The following DNM3 variants were observed in gnomAD, a reference collection of about 807,000 sequenced individuals.
The protein encoded by DNM3 is dynamin-3.
DNM3 carries 47 observed loss-of-function variants against 101.6 expected under a neutral mutation model. That is an observed-to-expected ratio of 0.46 (90% confidence interval 0.37 to 0.59). DNM3 has a LOEUF of 0.59. DNM3 is among the 20% of genes least tolerant of loss of function. DNM3 has a pLI of 0.00. For synonymous variants in DNM3, 385 were observed against 387.9 expected (o/e 0.99, Z 0.09); for missense variants, 849 against 1,085.7 (o/e 0.78, Z 3.06).
intron 14 of DNM3, among the ~76,000 whole-genome samples, chr1:172,188,113 T>C (rs1289569068): frequency 1.3e-5 from 2 of 152,132 alleles, no homozygotes; most frequent in Non-Finnish European, 2.9e-5. Context: ...AACTGACAAA[T>C]TTATTTGCTT....
chr1:171,955,470 A>G (rs1239199626), intron 2 of DNM3, among the ~76,000 whole-genome samples: 2 of 152,186 alleles, frequency 1.3e-5, no homozygotes, highest in Non-Finnish European at 2.9e-5. Context: ...AATATGAGAT[A>G]GTTTTGGCCC....
chr1:172,271,367 A>G (rs1268703777), intron 15 of DNM3, among the ~76,000 whole-genome samples: 1 of 152,152 alleles, frequency 6.6e-6, no homozygotes, highest in Non-Finnish European at 1.5e-5. Flanking sequence ...ACTAACCCTA[A>G]TAAACCCATT....
intron 13 of DNM3, among the ~76,000 whole-genome samples, chr1:172,120,785 G>A (rs2056261536): frequency 6.6e-6 from 1 of 152,184 alleles, no homozygotes; most frequent in Non-Finnish European, 1.5e-5. Context: ...ATTTATCTGT[G>A]TGAGACTTTG....
At chr1:172,315,051 G>A (rs970124027) in intron 16 of DNM3, among the ~76,000 whole-genome samples, 50 of 152,168 alleles carry the variant, frequency 3.3e-4, no homozygotes, top group African/African-American at 1.1e-3. Context: ...AACTTCCAGA[G>A]GAACAATCAG....
At chr1:172,031,645 T>C (rs112620072) in intron 4 of DNM3, among the ~76,000 whole-genome samples, 2 of 152,166 alleles carry the variant, frequency 1.3e-5, no homozygotes, top group Non-Finnish European at 2.9e-5. Flanking sequence ...ACAAATATCA[T>C]GTATATGACG....
Position 172,068,881 on chromosome 1 carries a change from G to A in DNM3, c.1398G>A (p.Glu466=). 2 of 1,568,186 alleles carry A rather than the reference G, an allele frequency of 1.3e-6. No individual in the cohort carries two copies. The highest frequency in any genetic ancestry group is 1.7e-6 in the Non-Finnish European group (2 of 1,155,824). ...TERIVANHIR[E]REGKTKDQVL... ...GGATTGTTGCTAACCACATTCGTGAGCGAGAAGGGAAGACAAAGGACCAGG... is the reference window on the plus strand; with the variant it reads ...GGATTGTTGCTAACCACATTCGTGAACGAGAAGGGAAGACAAAGGACCAGG... The change falls in exon 11 of 21, where the codon GAG becomes GAA. Residue 466 remains glutamate, a synonymous_variant. Coordinates refer to ENST00000627582, the MANE Select transcript of DNM3 (RefSeq NM_015569.5).
rs539875750 is a variant in DNM3 at position 172,047,519 on chromosome 1, C to T, written c.1197-1093C>T. Reference sequence around the variant, plus strand: ...GGCAAATTGACTGAAACATAGGGTACGTGAAAGGTGAGGAGAAAAATAACT... The same window carrying T: ...GGCAAATTGACTGAAACATAGGGTATGTGAAAGGTGAGGAGAAAAATAACT... On this transcript the variant is annotated intron_variant, in intron 9 of 20. Coordinates refer to ENST00000627582, the MANE Select transcript of DNM3 (RefSeq NM_015569.5). Among the ~76,000 whole-genome samples the T allele has an allele frequency of 2.6e-4, 39 of 152,048 alleles. No individual in the cohort carries two copies. In the South Asian group the frequency reaches 7.5e-3, roughly 29 times the overall value.
rs530333326 is a variant in DNM3 at position 172,356,006 on chromosome 1, ACTT to A, written c.1894-23008_1894-23006del. Among the ~76,000 whole-genome samples the A allele has an allele frequency of 2.2e-3, 328 of 152,222 alleles. 1 individual carries two copies. Among genetic ancestry groups the A allele is most frequent in the African/African-American group, 7.5e-3 (312 of 41,554 alleles). ...CAACTACTAAAGAACAACAGTTCAGACTTCTTAAGAGCAAAAGTGGAAACCAGA... is the reference window on the plus strand; with the variant it reads ...CAACTACTAAAGAACAACAGTTCAGACTTAAGAGCAAAAGTGGAAACCAGA... On this transcript the variant is annotated intron_variant, in intron 17 of 20. Transcript: ENST00000627582.
intron 20 of DNM3, among the ~76,000 whole-genome samples, chr1:172,397,483 C>T (rs1341144031): frequency 3.9e-5 from 6 of 152,180 alleles, no homozygotes; most frequent in Admixed American, 1.3e-4. Flanking sequence ...TGTGACTCAT[C>T]AGTAGACTGT....
chr1:172,395,711 A>G (rs2069925893), intron 20 of DNM3, among the ~76,000 whole-genome samples: 1 of 152,242 alleles, frequency 6.6e-6, no homozygotes, highest in African/African-American at 2.4e-5. Flanking sequence ...GAAATCCTTT[A>G]GCTTACCATT....
At chr1:172,024,775 T>C (rs953073919) in intron 4 of DNM3, among the ~76,000 whole-genome samples, 2 of 152,204 alleles carry the variant, frequency 1.3e-5, no homozygotes, top group African/African-American at 4.8e-5. Context: ...CCAGCTCAGA[T>C]ACTATGCTTT....
At chr1:172,049,773 G>T (rs1486216102) in intron 10 of DNM3, among the ~76,000 whole-genome samples, 2 of 152,082 alleles carry the variant, frequency 1.3e-5, no homozygotes, top group Non-Finnish European at 2.9e-5. Flanking sequence ...TGAAAAACCA[G>T]TGGGAAGAAA....
At chr1:172,331,342 A>G (rs2066174833) in intron 17 of DNM3, among the ~76,000 whole-genome samples, 1 of 152,212 alleles carries the variant, frequency 6.6e-6, no homozygotes, top group Non-Finnish European at 1.5e-5. Context: ...TAAAGATAAC[A>G]TATAATATTA....
chr1:172,406,066 A>G (rs2070861329), intron 20 of DNM3, among the ~76,000 whole-genome samples: 1 of 152,034 alleles, frequency 6.6e-6, no homozygotes, highest in African/African-American at 2.4e-5. Context: ...CCACAGTTAC[A>G]TGAAGATGAT....
intron 9 of DNM3, among the ~76,000 whole-genome samples, chr1:172,044,957 G>T (rs1436004057): frequency 6.6e-6 from 1 of 152,096 alleles, no homozygotes; most frequent in Non-Finnish European, 1.5e-5. Context: ...ATATGAAGTG[G>T]GCAGCAGTGT....
chr1:171,862,071 G>A (rs1339713152), intron 1 of DNM3, among the ~76,000 whole-genome samples: 1 of 152,080 alleles, frequency 6.6e-6, no homozygotes, highest in Non-Finnish European at 1.5e-5. Flanking sequence ...AAAAAGGAGG[G>A]ATACTAACAA....
intron 15 of DNM3, among the ~76,000 whole-genome samples, chr1:172,293,995 A>G (rs545136948): frequency 2.6e-5 from 4 of 152,088 alleles, no homozygotes; most frequent in Non-Finnish European, 5.9e-5. Flanking sequence ...GTCCAGTTCT[A>G]CCTTCCCCAT....
chr1:171,985,659 A>G (rs2045197039), intron 2 of DNM3, among the ~76,000 whole-genome samples: 1 of 152,354 alleles, frequency 6.6e-6, no homozygotes, highest in Admixed American at 6.5e-5. Flanking sequence ...ATGTCCATGC[A>G]TGTTGTCAGG....
intron 11 of DNM3, among the ~76,000 whole-genome samples, chr1:172,080,168 AT>A (rs1214958229): frequency 6.6e-6 from 1 of 152,134 alleles, no homozygotes; most frequent in African/African-American, 2.4e-5. Flanking sequence ...GAGATCCGTC[AT>A]TCTCTTCAGA....
Sources: gnomAD v4.1 joint callset for allele counts (sites outside exome capture counted in the v4.1 genomes callset) on GRCh38, gnomAD v4.1.1 for gene constraint, MANE v1.5 for transcripts, NCBI Gene and HGNC (gene_info 2026-07-23, HGNC 2026-07-21) for gene names.